TMEM225B: variants seen among roughly 807,000 people sequenced by gnomAD.
The protein encoded by TMEM225B is transmembrane protein 225B.
Under a neutral mutation model 16.9 loss-of-function variants are expected in TMEM225B, and 10 were observed. The ratio of observed to expected loss-of-function variants is 0.59; its 90% CI spans 0.36 to 1.00. TMEM225B has a LOEUF of 1.00. Among genes scored for constraint, TMEM225B ranks in the 50% least tolerant of loss-of-function variants. The pLI is 0.01. For missense variants in TMEM225B, 217 were observed against 267.0 expected (o/e 0.81, Z 1.30); for synonymous variants, 92 against 109.8 (o/e 0.84, Z 1.01).
chr7:99,607,051 T>C (rs1487543804), intron 4 of TMEM225B, among the ~76,000 whole-genome samples, 157 bp downstream of exon 4: 1 of 152,044 alleles, frequency 6.6e-6, no homozygotes, highest in Non-Finnish European at 1.5e-5. Flanking sequence ...GCAGTGGTGC[T>C]ATCATAGCTC....
intron 2 of TMEM225B, among the ~76,000 whole-genome samples, chr7:99,600,511 C>G (rs887832270): frequency 3.5e-4 from 53 of 152,130 alleles, no homozygotes; most frequent in African/African-American, 1.3e-3. Context: ...TTAATTGACT[C>G]GCACCACATG....
At chr7:99,609,852 A>C (rs1204955059) in intron 5 of TMEM225B, among the ~76,000 whole-genome samples, 2 of 151,620 alleles carry the variant, frequency 1.3e-5, no homozygotes, top group African/African-American at 4.9e-5. Flanking sequence ...TTCCTGCCTC[A>C]CCCTCCCAAG....
chr7:99,598,204 G>C (rs1804998814), upstream of TMEM225B: 1 of 152,306 alleles, frequency 6.6e-6, no homozygotes, highest in South Asian at 2.1e-4. Flanking sequence ...TCCGCTCAGA[G>C]GCCCAGGCTC....
chr7:99,607,059 C>A (rs908190180), intron 4 of TMEM225B, among the ~76,000 whole-genome samples, 165 bp downstream of exon 4: 16 of 152,144 alleles, frequency 1.1e-4, no homozygotes, highest in African/African-American at 3.9e-4. Context: ...GCTATCATAG[C>A]TCACTGCAGC....
At chr7:99,607,424 G>A (rs936199159) in intron 4 of TMEM225B, among the ~76,000 whole-genome samples, 1 of 152,222 alleles carries the variant, frequency 6.6e-6, no homozygotes, top group Non-Finnish European at 1.5e-5. Context: ...AAGGTGCAGA[G>A]GTGAGCTAAG....
chr7:99,601,936 T>C (rs1584302726), intron 2 of TMEM225B, among the ~76,000 whole-genome samples: 1 of 152,176 alleles, frequency 6.6e-6, no homozygotes, highest in Admixed American at 6.5e-5. Context: ...TTGCACAGGG[T>C]GTGGGAGCAG....
chr7:99,603,748 A>T (rs796543010), intron 2 of TMEM225B, among the ~76,000 whole-genome samples: 37 of 138,424 alleles, frequency 2.7e-4, no homozygotes, highest in Non-Finnish European at 4.2e-4. Flanking sequence ...TCTTTTTTTT[A>T]AATTATTTAA....
Position 99,606,865 on chromosome 7 carries a change from T to C in TMEM225B, c.326T>C (p.Phe109Ser), listed in dbSNP as rs1466621951. Residue 109 changes from phenylalanine (F) to serine (S), a missense_variant, in exon 4 of 6, where the codon TTT becomes TCT. Transcript: ENST00000431679. ...EFFPRTWKQN[F>S]VLACISFFTG... The stretch of plus-strand genomic sequence containing the variant: ...TTCCCGAGGACCTGGAAGCAAAACT[T>C]TGTGTTAGCCTGCATCAGCTTCTTC... The C allele has an allele frequency of 3.9e-6, 6 of 1,536,104 alleles. No individual in the cohort carries two copies. The highest frequency in any genetic ancestry group is 5.2e-6 in the Non-Finnish European group (6 of 1,146,890).
intron 3 of TMEM225B, 119 bp downstream of exon 3, chr7:99,604,715 T>C (rs1284979098): frequency 2.3e-5 from 18 of 794,194 alleles, no homozygotes; most frequent in Non-Finnish European, 3.3e-5. Context: ...AGCTCAGGGC[T>C]GGATGCGGTG....
At chr7:99,602,598 G>A (rs1178078933) in intron 2 of TMEM225B, among the ~76,000 whole-genome samples, 1 of 152,166 alleles carries the variant, frequency 6.6e-6, no homozygotes, top group Non-Finnish European at 1.5e-5. Flanking sequence ...AAGGTCCTGA[G>A]ACTCTGAGCA....
chr7:99,604,979 G>C (rs1805675678), intron 3 of TMEM225B, among the ~76,000 whole-genome samples: 2 of 150,616 alleles, frequency 1.3e-5, no homozygotes, highest in African/African-American at 5.0e-5. Flanking sequence ...CTGGGAGTGA[G>C]AGTGAGGCCC....
chr7:99,609,180 CAAAA>C (rs553377201), intron 5 of TMEM225B, among the ~76,000 whole-genome samples: 1 of 151,874 alleles, frequency 6.6e-6, no homozygotes. Context: ...AACAAACAAA[CAAAA>C]AACCACATAT....
chr7:99,601,536 G>A (rs1584301679), intron 2 of TMEM225B, among the ~76,000 whole-genome samples: 2 of 152,194 alleles, frequency 1.3e-5, no homozygotes, highest in African/African-American at 4.8e-5. Flanking sequence ...TAGCCTGGGT[G>A]ACAGAGTGAG....
intron 2 of TMEM225B, among the ~76,000 whole-genome samples, chr7:99,600,884 G>A (rs1805305132): frequency 6.6e-6 from 1 of 152,142 alleles, no homozygotes; most frequent in South Asian, 2.1e-4. Flanking sequence ...GAAGGTTGGG[G>A]AACTTTATGA....
chr7:99,600,264 T>C lies in TMEM225B; in HGVS notation c.-25T>C. Reference sequence around the variant, plus strand: ...CATCTCTGAATCCCCACCATTGGCCTACATTGGGAGTGGGGCGACCTGTAA... The same window carrying C: ...CATCTCTGAATCCCCACCATTGGCCCACATTGGGAGTGGGGCGACCTGTAA... On this transcript the variant is annotated 5_prime_UTR_variant, in exon 2 of 6. Coordinates refer to ENST00000431679, the MANE Select transcript of TMEM225B (RefSeq NM_001195541.3). The C allele has an allele frequency of 1.4e-6, 1 of 702,966 alleles. No homozygotes were observed. The highest frequency in any genetic ancestry group is 2.6e-6 in the Non-Finnish European group (1 of 384,974). The allele number at this position is 702,966 out of a possible 1,614,324, so 43.5% of individuals were successfully genotyped here.
At chr7:99,608,858 T>TATATACAC (rs536627768) in intron 5 of TMEM225B, among the ~76,000 whole-genome samples, 6 of 144,388 alleles carry the variant, frequency 4.2e-5, no homozygotes, top group Admixed American at 1.4e-4. Flanking sequence ...TATATATATA[T>TATATACAC]ACACACACAC....
Position 99,604,494 on chromosome 7 carries a change from T to C in TMEM225B, c.106T>C (p.Phe36Leu). The C allele has an allele frequency of 1.3e-6, 2 of 1,536,126 alleles. No homozygotes were observed. Reference protein sequence around the residue: ...LIILVVSIFPFWVRLTNEESH... With the variant: ...LIILVVSIFPLWVRLTNEESH... ...TATACTGGTGGTCTCCATCTTTCCC[T>C]TCTGGGTGCGACTGACAAACGAGGA... The change falls in exon 3 of 6, where the codon TTC becomes CTC. Residue 36 changes from phenylalanine to leucine, a missense_variant. By Grantham distance (22) the Phe-to-Leu change is conservative (BLOSUM62 0). Coordinates refer to ENST00000431679, the MANE Select transcript of TMEM225B (RefSeq NM_001195541.3).
rs147207937 is a variant in TMEM225B, at chr7:99,601,968, C to T, written c.-4+1683C>T. Among the ~76,000 whole-genome samples, 443 of 152,328 alleles carry T rather than the reference C, an allele frequency of 2.9e-3. 13 individuals carry two copies. The highest frequency in any genetic ancestry group is 0.026 in the Admixed American group (393 of 15,306). On this transcript the variant is annotated intron_variant, in intron 2 of 5. Coordinates refer to ENST00000431679, the MANE Select transcript of TMEM225B (RefSeq NM_001195541.3). Reference sequence around the variant, plus strand: ...GCAGGGGAGGAAAGCATGCTCACTTCGAGGGCCTTGTGCTCTCTACTGCCC... The same window carrying T: ...GCAGGGGAGGAAAGCATGCTCACTTTGAGGGCCTTGTGCTCTCTACTGCCC...
intron 5 of TMEM225B, among the ~76,000 whole-genome samples, chr7:99,609,522 T>G (rs1037331926): frequency 1.3e-5 from 2 of 151,988 alleles, no homozygotes; most frequent in Non-Finnish European, 2.9e-5. Context: ...CACTGCAACC[T>G]CCGTCTCCTG....
Sources: allele counts gnomAD v4.1 joint callset (sites outside exome capture counted in the v4.1 genomes callset), GRCh38; gene constraint gnomAD v4.1.1; transcripts MANE v1.5; gene names NCBI Gene and HGNC (gene_info 2026-07-23, HGNC 2026-07-21).